The following STAT4 variants were observed in gnomAD, a reference collection of about 807,000 sequenced individuals.
STAT4 encodes signal transducer and activator of transcription 4.
Under a neutral mutation model 110.5 loss-of-function variants are expected in STAT4, and 42 were observed. That is an observed-to-expected ratio of 0.38 (90% CI 0.30 to 0.49). STAT4 has a LOEUF of 0.49. STAT4 is among the 20% of genes least tolerant of loss of function. STAT4 has a pLI of 0.95. For missense variants in STAT4, 632 were observed against 887.9 expected, an observed-to-expected ratio of 0.71 and a Z score of 3.66; for synonymous variants, 284 against 302.2, an observed-to-expected ratio of 0.94 and a Z score of 0.63.
rs769415763 is a variant in STAT4, at chr2:191,050,218, A to G, written c.1251+4272T>C. ...CTATTCAAACAGTTTTCACATTTCA[A>G]TAATCACTCTCTAGCTGGCTCCCTG... On this transcript the variant is annotated intron_variant, in intron 14 of 23. Transcript: ENST00000392320. This position sits in a 1 kb window ranked among gnomAD's most constrained non-coding sequence, Gnocchi z 4.3. 2.0e-5 allele frequency among the ~76,000 whole-genome samples: 3 copies of G among 152,224 alleles called. No individual in the cohort carries two copies. The highest frequency in any genetic ancestry group is 2.9e-5 in the Non-Finnish European group (2 of 68,038).
At chr2:191,096,161 G>C (rs11147470) in intron 3 of STAT4, among the ~76,000 whole-genome samples, 2,769 of 152,116 alleles carry the variant, frequency 0.018, 94 homozygotes, top group African/African-American at 0.064. Flanking sequence ...CAGGACCAGA[G>C]GGATTCATAG....
intron 3 of STAT4, among the ~76,000 whole-genome samples, chr2:191,093,872 T>A (rs933290411): frequency 6.6e-6 from 1 of 152,024 alleles, no homozygotes; most frequent in African/African-American, 2.4e-5. Context: ...CTAACTTGAA[T>A]GAAGTATAGA....
At position 191,104,707 on chromosome 2, in the gene STAT4, G is replaced by T. The variant is rs573552230; in HGVS notation, c.274-28382C>A. Among the ~76,000 whole-genome samples, 1 of 152,114 alleles carries T rather than the reference G, an allele frequency of 6.6e-6. No individual in the cohort carries two copies. The highest frequency in any genetic ancestry group is 2.1e-4 in the South Asian group (1 of 4,810). On this transcript the variant is annotated intron_variant, in intron 3 of 23. Transcript: ENST00000392320. The surrounding 1 kb of genome is among the most constrained non-coding windows in gnomAD (Gnocchi z 4.3). Reference sequence around the variant, plus strand: ...ATTTGAAAGGATATATATTGTCAAAGAATAAAGAATGATCCTTTTTAAGTG... The same window carrying T: ...ATTTGAAAGGATATATATTGTCAAATAATAAAGAATGATCCTTTTTAAGTG...
In STAT4 at chr2:191,029,874, TA is replaced by T. The variant is rs1559034374; in HGVS notation, c.2221-9del. On this transcript the variant is annotated splice_polypyrimidine_tract_variant and intron_variant, in intron 23 of 23. Coordinates refer to ENST00000392320, the MANE Select transcript of STAT4 (RefSeq NM_003151.4). The surrounding 1 kb of genome is among the most constrained non-coding windows in gnomAD (Gnocchi z 4.5). ...AGAATAAGGAGACTTCATCTAAAAT[TA>T]AAAATGAAAATAATCTTTGAGGAAA... 4 of 1,590,628 alleles carry T rather than the reference TA, an allele frequency of 2.5e-6. No individual in the cohort carries two copies. Among genetic ancestry groups the T allele is most frequent in the Admixed American group, 1.8e-5 (1 of 56,760 alleles).
At chr2:191,121,345 A>G (rs1353793219) in intron 3 of STAT4, among the ~76,000 whole-genome samples, 2 of 152,216 alleles carry the variant, frequency 1.3e-5, no homozygotes, top group African/African-American at 2.4e-5. Flanking sequence ...TAGTTCAACC[A>G]TTGTGGAAGA....
intron 14 of STAT4, 25 bp downstream of exon 14, chr2:191,054,465 T>C (rs769048527): frequency 1.3e-6 from 2 of 1,594,914 alleles, no homozygotes; most frequent in Non-Finnish European, 1.7e-6. Context: ...TCCAGAAAAA[T>C]TCTATAGGAG....
intron 18 of STAT4, among the ~76,000 whole-genome samples, chr2:191,034,280 G>A (rs754091355): frequency 6.6e-5 from 10 of 151,910 alleles, no homozygotes; most frequent in African/African-American, 1.7e-4. Context: ...AAAATTAGCC[G>A]GGCGTGGTGG....
At position 191,064,790 on chromosome 2, in the gene STAT4, C is replaced by T. The variant is rs754699594; in HGVS notation, c.782+17G>A. 1.9e-6 allele frequency: 3 copies of T among 1,603,246 alleles called. No homozygotes were observed. Among genetic ancestry groups the T allele is most frequent in the Non-Finnish European group, 2.6e-6 (3 of 1,175,746 alleles). On this transcript the variant is annotated intron_variant, in intron 8 of 23. Coordinates refer to ENST00000392320, the MANE Select transcript of STAT4 (RefSeq NM_003151.4). Reference sequence around the variant, plus strand: ...TTCCTGTGGTTTTCACTAGAAACTGCAGTCGATTCGTTTTACCAGTTCTGA... The same window carrying T: ...TTCCTGTGGTTTTCACTAGAAACTGTAGTCGATTCGTTTTACCAGTTCTGA...
At chr2:191,087,458 A>G (rs1182535955) in intron 3 of STAT4, among the ~76,000 whole-genome samples, 2 of 152,088 alleles carry the variant, frequency 1.3e-5, no homozygotes, top group Non-Finnish European at 2.9e-5. Context: ...TGTGGGAAAA[A>G]TTTGCATCTG....
chr2:191,101,620 A>G (rs1418979638), intron 3 of STAT4, among the ~76,000 whole-genome samples: 1 of 152,148 alleles, frequency 6.6e-6, no homozygotes, highest in East Asian at 1.9e-4. Flanking sequence ...TTAACATCTC[A>G]TTCATTTATG....
At position 191,061,652 on chromosome 2, in the gene STAT4, T is replaced by G; in HGVS notation, c.1034+77A>C. On this transcript the variant is annotated intron_variant, in intron 10 of 23. Transcript: ENST00000392320. This position sits in a 1 kb window ranked among gnomAD's most constrained non-coding sequence, Gnocchi z 6.2. ...AAGAACAGCTGAATGCAAGCCACAA[T>G]GAGAGAAATTGGCCTTGATCATCCA... The G allele has an allele frequency of 5.4e-6, 7 of 1,307,530 alleles. No homozygotes were observed. The highest frequency in any genetic ancestry group is 7.8e-6 in the Non-Finnish European group (7 of 901,918). 81.0% of individuals were successfully genotyped at this position (1,307,530 alleles called of 1,614,324 possible).
In STAT4 at chr2:191,116,297, C is replaced by T. The variant is rs768920977; in HGVS notation, c.273+30316G>A. ...CCACCTTCTCTGCAGAATCATATCA[C>T]CTGTACATTTCATCCTAAATTAATG... is the stretch of plus-strand genomic sequence containing the variant. On this transcript the variant is annotated intron_variant, in intron 3 of 23. Coordinates refer to ENST00000392320, the MANE Select transcript of STAT4 (RefSeq NM_003151.4). This position sits in a 1 kb window ranked among gnomAD's most constrained non-coding sequence, Gnocchi z 4.1. Among the ~76,000 whole-genome samples, 2 of 152,138 alleles carry T rather than the reference C, an allele frequency of 1.3e-5. No homozygotes were observed. The highest frequency in any genetic ancestry group is 2.4e-5 in the African/African-American group (1 of 41,426).
chr2:191,106,812 T>C (rs1698296198), intron 3 of STAT4, among the ~76,000 whole-genome samples: 1 of 152,172 alleles, frequency 6.6e-6, no homozygotes, highest in Non-Finnish European at 1.5e-5. Flanking sequence ...TGCACAATCC[T>C]GTAAAAGTGC....
intron 8 of STAT4, among the ~76,000 whole-genome samples, 185 bp from the exon 9 acceptor site, chr2:191,063,105 C>G (rs773359303): frequency 6.6e-6 from 1 of 151,500 alleles, no homozygotes; most frequent in African/African-American, 2.4e-5. Flanking sequence ...CCATTTTTTT[C>G]TTGAATATGC....
rs1441634831 is a variant in STAT4 at position 191,061,718 on chromosome 2, T to C, written c.1034+11A>G. Reference sequence around the variant, plus strand: ...CAAACACACGAAATAGTAGAAAATGTTTTTGCCTACCTTAGTTTTACAGTG... The same window carrying C: ...CAAACACACGAAATAGTAGAAAATGCTTTTGCCTACCTTAGTTTTACAGTG... On this transcript the variant is annotated intron_variant, in intron 10 of 23. Transcript: ENST00000392320. This position sits in a 1 kb window ranked among gnomAD's most constrained non-coding sequence, Gnocchi z 6.2. 2 of 1,612,294 alleles carry C rather than the reference T, an allele frequency of 1.2e-6. No homozygotes were observed. The highest frequency in any genetic ancestry group is 2.7e-5 in the African/African-American group (2 of 74,962).
chr2:191,120,930 T>C (rs1698707864), intron 3 of STAT4, among the ~76,000 whole-genome samples: 1 of 152,150 alleles, frequency 6.6e-6, no homozygotes, highest in Admixed American at 6.5e-5. Context: ...TGGGATCTCA[T>C]TAAACTAAAG....
chr2:191,073,748 C>T (rs143918286), intron 4 of STAT4, among the ~76,000 whole-genome samples: 142 of 152,234 alleles, frequency 9.3e-4, no homozygotes, highest in African/African-American at 2.7e-3. Flanking sequence ...TATATATGAT[C>T]TCTATTGCTT....
At chr2:191,076,070 T>G in intron 4 of STAT4, 157 bp downstream of exon 4, 1 of 608,744 alleles carries the variant, frequency 1.6e-6, no homozygotes, top group East Asian at 2.8e-5. Context: ...GCCAGACTGG[T>G]CTCAAACTCT....
chr2:191,064,204 T>C (rs1284073728), intron 8 of STAT4, among the ~76,000 whole-genome samples: 5 of 152,238 alleles, frequency 3.3e-5, no homozygotes, highest in Admixed American at 3.3e-4. Context: ...TTGATGTATG[T>C]AAACATTTGT....
Sources: allele counts gnomAD v4.1 joint callset (sites outside exome capture counted in the v4.1 genomes callset), GRCh38; gene constraint gnomAD v4.1.1; non-coding constraint Gnocchi (gnomAD v3.1); transcripts MANE v1.5; gene names NCBI Gene and HGNC (gene_info 2026-07-23, HGNC 2026-07-21).